GPC6: variants seen among roughly 807,000 people sequenced by gnomAD.
GPC6 encodes glypican-6.
GPC6 carries 14 observed loss-of-function variants against 55.2 expected under a neutral mutation model. That is an observed-to-expected ratio of 0.25 (90% CI 0.17 to 0.40). GPC6 has a LOEUF of 0.40. GPC6 is among the 10% of genes least tolerant of loss of function. The pLI is 1.00. For missense variants in GPC6, 641 were observed against 708.5 expected, an observed-to-expected ratio of 0.90 and a Z score of 1.08; for synonymous variants, 278 against 259.6, an observed-to-expected ratio of 1.07 and a Z score of -0.68.
chr13:94,370,950 T>A (rs1188663074), intron 6 of GPC6, among the ~76,000 whole-genome samples: 3 of 152,230 alleles, frequency 2.0e-5, no homozygotes, highest in African/African-American at 7.2e-5. Context: ...TGCCATTATA[T>A]TGTTTACTTG....
intron 4 of GPC6, among the ~76,000 whole-genome samples, chr13:94,112,724 C>T (rs1023456608): frequency 2.0e-5 from 3 of 152,144 alleles, no homozygotes; most frequent in Non-Finnish European, 2.9e-5. Flanking sequence ...GGCTCTGTAG[C>T]ATCACGGATG....
intron 4 of GPC6, among the ~76,000 whole-genome samples, chr13:94,061,356 CAA>C (rs1426673663): frequency 2.6e-5 from 4 of 152,064 alleles, no homozygotes; most frequent in African/African-American, 9.7e-5. Flanking sequence ...ATTTATTAAA[CAA>C]GACAAGAAAG....
chr13:93,452,324 A>C (rs1465636666), intron 1 of GPC6, among the ~76,000 whole-genome samples: 1 of 152,236 alleles, frequency 6.6e-6, no homozygotes, highest in African/African-American at 2.4e-5. Context: ...TCACTTGTTC[A>C]GTTTGCTTAA....
chr13:93,679,082 G>T (rs899663326), intron 2 of GPC6, among the ~76,000 whole-genome samples: 1 of 151,830 alleles, frequency 6.6e-6, no homozygotes, highest in African/African-American at 2.4e-5. Flanking sequence ...TTTTAATTTG[G>T]AAAGAAATTG....
intron 4 of GPC6, among the ~76,000 whole-genome samples, chr13:94,124,632 G>A (rs1225816136): frequency 1.3e-5 from 2 of 152,038 alleles, no homozygotes; most frequent in African/African-American, 2.4e-5. Context: ...GAAGGCTGGC[G>A]AGGCAGAAAG....
At chr13:94,186,282 A>G (rs980267318) in intron 4 of GPC6, among the ~76,000 whole-genome samples, 7 of 152,284 alleles carry the variant, frequency 4.6e-5, no homozygotes, top group African/African-American at 7.2e-5. Flanking sequence ...TTTTTCTTGC[A>G]CAAAACACAA....
chr13:93,702,404 A>G (rs1011503887), intron 2 of GPC6, among the ~76,000 whole-genome samples: 4 of 151,988 alleles, frequency 2.6e-5, no homozygotes, highest in African/African-American at 9.7e-5. Context: ...TAGAACACAG[A>G]CAGTGTAAAG....
intron 2 of GPC6, among the ~76,000 whole-genome samples, chr13:93,755,764 C>G (rs1884745941): frequency 6.6e-6 from 1 of 152,110 alleles, no homozygotes; most frequent in Non-Finnish European, 1.5e-5. Flanking sequence ...CATTGCCTTT[C>G]AACATTTTGA....
chr13:94,403,535 G>T lies in GPC6; in HGVS notation c.*318G>T. The T allele has an allele frequency of 3.3e-6, 1 of 304,100 alleles. No individual in the cohort carries two copies. The highest frequency in any genetic ancestry group is 6.0e-6 in the Non-Finnish European group (1 of 166,644). The allele number at this position is 304,100 out of a possible 1,614,324, so 18.8% of individuals were successfully genotyped here. A position where few individuals can be genotyped will look rare whatever the true frequency, so the allele number is the denominator to read the frequency against. The stretch of plus-strand genomic sequence containing the variant: ...TGCAGAAGTAAAGGAATCTCACGTT[G>T]TGAGGGTTTTTTTTTTCTCATTTAA... On this transcript the variant is annotated 3_prime_UTR_variant, in exon 9 of 9. Coordinates refer to ENST00000377047, the MANE Select transcript of GPC6 (RefSeq NM_005708.5).
At chr13:93,930,247 G>A (rs1288444453) in intron 3 of GPC6, among the ~76,000 whole-genome samples, 1 of 141,296 alleles carries the variant, frequency 7.1e-6, no homozygotes, top group Non-Finnish European at 1.5e-5. Flanking sequence ...TGGAGAGGAA[G>A]GTTTTTAAAG....
chr13:93,742,418 A>G (rs966087983), intron 2 of GPC6, among the ~76,000 whole-genome samples: 2 of 152,220 alleles, frequency 1.3e-5, no homozygotes, highest in Non-Finnish European at 2.9e-5. Flanking sequence ...ATCATGATCT[A>G]TGCACTTTTG....
chr13:93,524,876 G>T (rs1881588815), intron 1 of GPC6, among the ~76,000 whole-genome samples: 1 of 152,052 alleles, frequency 6.6e-6, no homozygotes, highest in Admixed American at 6.6e-5. Context: ...GCCATGTGTT[G>T]CTGCAAATTT....
chr13:94,261,062 T>A (rs1891642552), intron 4 of GPC6, among the ~76,000 whole-genome samples: 1 of 152,010 alleles, frequency 6.6e-6, no homozygotes, highest in Non-Finnish European at 1.5e-5. Context: ...TCACTTGAGG[T>A]CAGGAGTTCG....
intron 1 of GPC6, among the ~76,000 whole-genome samples, chr13:93,503,571 A>G (rs1025372885): frequency 6.6e-6 from 1 of 152,174 alleles, no homozygotes; most frequent in Non-Finnish European, 1.5e-5. Context: ...AGCAGTCCTC[A>G]ACATGGACAT....
intron 3 of GPC6, among the ~76,000 whole-genome samples, chr13:93,935,901 C>T (rs1045378636): frequency 5.3e-5 from 8 of 152,188 alleles, no homozygotes; most frequent in African/African-American, 1.9e-4. Flanking sequence ...TGTAACTATG[C>T]AGAATCTCTG....
chr13:94,201,284 A>C (rs1889739023), intron 4 of GPC6, among the ~76,000 whole-genome samples: 1 of 152,124 alleles, frequency 6.6e-6, no homozygotes, highest in South Asian at 2.1e-4. Flanking sequence ...ACAGAAATGA[A>C]TCACCTCCTG....
intron 4 of GPC6, among the ~76,000 whole-genome samples, chr13:94,086,972 T>C (rs2138805935): frequency 6.6e-6 from 1 of 152,326 alleles, no homozygotes; most frequent in East Asian, 1.9e-4. Context: ...ACTTTAGTTT[T>C]TTCAGGAAGC....
At chr13:93,989,721 G>T (rs1487742988) in intron 3 of GPC6, among the ~76,000 whole-genome samples, 1 of 151,946 alleles carries the variant, frequency 6.6e-6, no homozygotes, top group East Asian at 1.9e-4. Flanking sequence ...ATTGAAGACT[G>T]GTCGTTCTTT....
chr13:93,591,653 T>A (rs1367304434), intron 2 of GPC6, among the ~76,000 whole-genome samples: 2 of 152,098 alleles, frequency 1.3e-5, no homozygotes, highest in African/African-American at 4.8e-5. Context: ...GTTTATAATC[T>A]TAGAAAGTTA....
Sources: allele counts gnomAD v4.1 joint callset (sites outside exome capture counted in the v4.1 genomes callset), GRCh38; gene constraint gnomAD v4.1.1; transcripts MANE v1.5; gene names NCBI Gene and HGNC (gene_info 2026-07-23, HGNC 2026-07-21).